Variants in PMEPA1 observed in about 807,000 individuals in gnomAD.
PMEPA1 encodes the protein prostate transmembrane protein, androgen induced 1.
In PMEPA1, 11 loss-of-function variants were observed where a neutral mutation model predicts 23.0. The observed-to-expected ratio is 0.48, with a 90% CI of 0.30 to 0.79. PMEPA1 has a LOEUF of 0.79. Ranked by LOEUF, PMEPA1 falls within the 30% of genes least tolerant of loss-of-function variation. The pLI is 0.06. For synonymous variants in PMEPA1, 204 were observed against 166.4 expected (o/e 1.23, Z -1.74); for missense variants, 377 against 390.9 (o/e 0.96, Z 0.30).
chr20:57,652,937 G>T lies in PMEPA1; in HGVS notation c.318+96C>A. On this transcript the variant is annotated intron_variant, in intron 3 of 3. Coordinates refer to ENST00000341744, the MANE Select transcript of PMEPA1 (RefSeq NM_020182.5). This position sits in a 1 kb window ranked among gnomAD's most constrained non-coding sequence, Gnocchi z 6.1. ...CAAGGGCACTGCAGAGGAGGGCGGAGGGGTGAGCCTTTAGCAGCCCACACT... is the reference window on the plus strand; with the variant it reads ...CAAGGGCACTGCAGAGGAGGGCGGATGGGTGAGCCTTTAGCAGCCCACACT... 9.8e-7 allele frequency: 1 copy of T among 1,023,438 alleles called. No individual in the cohort carries two copies. Among genetic ancestry groups the T allele is most frequent in the Non-Finnish European group, 1.5e-6 (1 of 668,916 alleles). The allele number at this position is 1,023,438 out of a possible 1,614,324, so 63.4% of individuals were successfully genotyped here. A position where few individuals can be genotyped will look rare whatever the true frequency, so the allele number is the denominator to read the frequency against.
intron 1 of PMEPA1, among the ~76,000 whole-genome samples, chr20:57,690,113 G>A (rs994586099): frequency 6.6e-6 from 1 of 152,268 alleles, no homozygotes; most frequent in African/African-American, 2.4e-5. Context: ...GGCAGAGCCA[G>A]CCAGATCTAA....
upstream of PMEPA1, chr20:57,710,546 A>T: frequency 2.1e-6 from 3 of 1,445,784 alleles, no homozygotes; most frequent in Non-Finnish European, 2.8e-6. Flanking sequence ...AAGCGCTTTC[A>T]CCCGAACCCA....
chr20:57,708,416 C>A lies in PMEPA1; in HGVS notation c.109+1058G>T, dbSNP rs371094920. Among the ~76,000 whole-genome samples the A allele has an allele frequency of 2.1e-4, 32 of 152,338 alleles. No individual in the cohort carries two copies. The South Asian group carries it at 6.0e-3, about 29-fold the overall frequency. On this transcript the variant is annotated intron_variant, in intron 1 of 3. Transcript: ENST00000341744. ...CGGGAGGTAGTGGTTCAATTCTCCA[C>A]TCAACCAAATGTCCACCTAGGTGGG...
chr20:57,663,283 C>A (rs2071448078), intron 1 of PMEPA1, among the ~76,000 whole-genome samples: 1 of 152,192 alleles, frequency 6.6e-6, no homozygotes, highest in African/African-American at 2.4e-5. Flanking sequence ...GTTGCCGAGA[C>A]TACGGCTCAG....
rs745457387 is a variant in PMEPA1, at chr20:57,659,687, C to T, written c.120G>A (p.Glu40=). Reference sequence around the variant, plus strand: ...CCACGATGATGATGATCTGAACAAACTCCAGCTCCGCTGTGGAGACAAAGA... The same window carrying T: ...CCACGATGATGATGATCTGAACAAATTCCAGCTCCGCTGTGGAGACAAAGA... ...LFQSMEITEL[E]FVQIIIIVVV... Residue 40 remains glutamate (E), a synonymous_variant, in exon 2 of 4, where the codon GAG becomes GAA. Transcript: ENST00000341744. 7 of 1,579,378 alleles carry T rather than the reference C, an allele frequency of 4.4e-6. No individual in the cohort carries two copies. The African/African-American group carries it at 8.1e-5, about 18-fold the overall frequency.
At chr20:57,709,122 T>A (rs1367076736) in intron 1 of PMEPA1, among the ~76,000 whole-genome samples, 2 of 151,614 alleles carry the variant, frequency 1.3e-5, no homozygotes, top group Non-Finnish European at 2.9e-5. Context: ...AGAGCCGGCC[T>A]AAATGCTCCA....
At chr20:57,666,536 C>T (rs1382884829) in intron 1 of PMEPA1, among the ~76,000 whole-genome samples, 1 of 152,170 alleles carries the variant, frequency 6.6e-6, no homozygotes, top group East Asian at 1.9e-4. Flanking sequence ...TTGCCCGACC[C>T]CCAGCAGTCC....
At chr20:57,665,587 C>G (rs2071481512) in intron 1 of PMEPA1, among the ~76,000 whole-genome samples, 1 of 152,014 alleles carries the variant, frequency 6.6e-6, no homozygotes, top group South Asian at 2.1e-4. Context: ...CAGAACGTAG[C>G]ACACTCAACT....
At chr20:57,699,064 T>TC (rs1399302251) in intron 1 of PMEPA1, among the ~76,000 whole-genome samples, 2 of 152,204 alleles carry the variant, frequency 1.3e-5, no homozygotes, top group Non-Finnish European at 2.9e-5. Context: ...CCATGCAAAT[T>TC]CTGAGCCTCC....
chr20:57,655,448 G>A lies in PMEPA1; in HGVS notation c.265-2362C>T, dbSNP rs932332493. ...CGTTTCCCCAGTGCCAGGCGCCGGC[G>A]TGCTATGCAGTCAGGGAGTGCTCAG... On this transcript the variant is annotated intron_variant, in intron 2 of 3. Coordinates refer to ENST00000341744, the MANE Select transcript of PMEPA1 (RefSeq NM_020182.5). The surrounding 1 kb of genome is among the most constrained non-coding windows in gnomAD (Gnocchi z 4.2). Among the ~76,000 whole-genome samples, 6 of 152,214 alleles carry A rather than the reference G, an allele frequency of 3.9e-5. No homozygotes were observed. The highest frequency in any genetic ancestry group is 6.5e-5 in the Admixed American group (1 of 15,284).
chr20:57,654,985 G>A (rs1329366229), intron 2 of PMEPA1, among the ~76,000 whole-genome samples: 2 of 150,534 alleles, frequency 1.3e-5, no homozygotes, highest in Non-Finnish European at 3.0e-5. Flanking sequence ...AACCGTCTGG[G>A]CCCCCCGCTG....
chr20:57,656,106 T>A lies in PMEPA1; in HGVS notation c.265-3020A>T, dbSNP rs997685464. 1.3e-5 allele frequency among the ~76,000 whole-genome samples: 2 copies of A among 151,882 alleles called. No individual in the cohort carries two copies. The highest frequency in any genetic ancestry group is 2.9e-5 in the Non-Finnish European group (2 of 67,954). ...GAACATCCAAGGGGACGGGATGGCCTTCTATCAAACTTCGAGGACTCAGAG... is the reference window on the plus strand; with the variant it reads ...GAACATCCAAGGGGACGGGATGGCCATCTATCAAACTTCGAGGACTCAGAG... On this transcript the variant is annotated intron_variant, in intron 2 of 3. Coordinates refer to ENST00000341744, the MANE Select transcript of PMEPA1 (RefSeq NM_020182.5). This position sits in a 1 kb window ranked among gnomAD's most constrained non-coding sequence, Gnocchi z 4.7.
intron 1 of PMEPA1, among the ~76,000 whole-genome samples, chr20:57,667,729 C>A (rs1371936489): frequency 6.6e-6 from 1 of 152,176 alleles, no homozygotes; most frequent in Non-Finnish European, 1.5e-5. Flanking sequence ...TGGATGAGAC[C>A]CGCCTGGCGG....
chr20:57,689,907 T>C (rs2071853211), intron 1 of PMEPA1, among the ~76,000 whole-genome samples: 1 of 152,232 alleles, frequency 6.6e-6, no homozygotes, highest in African/African-American at 2.4e-5. Flanking sequence ...ACGGCGCTGC[T>C]GGGGCTGACG....
intron 1 of PMEPA1, among the ~76,000 whole-genome samples, chr20:57,661,241 A>G (rs1351887839): frequency 1.3e-5 from 2 of 152,230 alleles, no homozygotes; most frequent in Admixed American, 6.5e-5. Flanking sequence ...TGAGCCGGGC[A>G]GTTTCTGCTG....
chr20:57,657,197 C>T (rs767680041), intron 2 of PMEPA1, among the ~76,000 whole-genome samples: 5 of 152,160 alleles, frequency 3.3e-5, no homozygotes, highest in Non-Finnish European at 5.9e-5. Context: ...CCCATGACCA[C>T]GGGCCGCACA....
intron 1 of PMEPA1, among the ~76,000 whole-genome samples, chr20:57,666,538 C>T (rs1323021784): frequency 1.3e-5 from 2 of 152,176 alleles, no homozygotes; most frequent in Non-Finnish European, 2.9e-5. Flanking sequence ...GCCCGACCCC[C>T]AGCAGTCCTG....
intron 1 of PMEPA1, among the ~76,000 whole-genome samples, chr20:57,666,881 C>G (rs1244028044): frequency 6.6e-6 from 1 of 152,210 alleles, no homozygotes; most frequent in African/African-American, 2.4e-5. Flanking sequence ...TGACAAGCCC[C>G]GAGGGGCAGC....
intron 1 of PMEPA1, among the ~76,000 whole-genome samples, chr20:57,707,905 T>A (rs1191160205): frequency 6.6e-6 from 1 of 152,216 alleles, no homozygotes; most frequent in African/African-American, 2.4e-5. Context: ...CCTCCTGAGT[T>A]CACAAAGGGC....
Sources: allele counts gnomAD v4.1 joint callset (sites outside exome capture counted in the v4.1 genomes callset), GRCh38; gene constraint gnomAD v4.1.1; non-coding constraint Gnocchi (gnomAD v3.1); transcripts MANE v1.5; gene names NCBI Gene and HGNC (gene_info 2026-07-23, HGNC 2026-07-21).